TMEM108: variants seen among roughly 807,000 people sequenced by gnomAD.
TMEM108 encodes cancer/testis antigen 124.
In TMEM108, 12 loss-of-function variants were observed where a neutral mutation model predicts 35.1. The observed-to-expected ratio is 0.34, with a 90% confidence interval of 0.22 to 0.55. TMEM108 has a LOEUF of 0.55. Ranked by LOEUF, TMEM108 falls within the 20% of genes least tolerant of loss-of-function variation. The pLI is 0.89. For synonymous variants in TMEM108, 287 were observed against 308.6 expected (o/e 0.93, Z 0.73); for missense variants, 680 against 753.3 (o/e 0.90, Z 1.14).
chr3:133,219,516 C>T (rs1307836263), intron 2 of TMEM108, among the ~76,000 whole-genome samples: 1 of 151,988 alleles, frequency 6.6e-6, no homozygotes, highest in Non-Finnish European at 1.5e-5. Context: ...TTTTGTTTTG[C>T]ATCCTTCAAG....
intron 2 of TMEM108, among the ~76,000 whole-genome samples, chr3:133,065,113 A>G (rs930248677): frequency 1.3e-5 from 2 of 152,224 alleles, no homozygotes; most frequent in Non-Finnish European, 2.9e-5. Context: ...CATAGATGCT[A>G]AAGTCACAAT....
At chr3:133,288,470 G>A (rs141911499) in intron 3 of TMEM108, among the ~76,000 whole-genome samples, 2 of 152,134 alleles carry the variant, frequency 1.3e-5, no homozygotes, top group African/African-American at 2.4e-5. Context: ...TTCTCCATGG[G>A]GGGGTGAATA....
At chr3:133,332,073 T>C (rs1204171675) in intron 3 of TMEM108, among the ~76,000 whole-genome samples, 1 of 106,464 alleles carries the variant, frequency 9.4e-6, no homozygotes, top group East Asian at 2.4e-4. Flanking sequence ...TGCGCGTGCG[T>C]GCGCACGTGC....
intron 2 of TMEM108, among the ~76,000 whole-genome samples, chr3:133,121,596 T>C (rs1334528378): frequency 6.6e-6 from 1 of 152,206 alleles, no homozygotes; most frequent in Non-Finnish European, 1.5e-5. Context: ...CATGGAAGCA[T>C]CTTGTTTTAC....
At chr3:133,355,162 T>G (rs2072125058) in intron 3 of TMEM108, among the ~76,000 whole-genome samples, 1 of 152,262 alleles carries the variant, frequency 6.6e-6, no homozygotes, top group Non-Finnish European at 1.5e-5. Context: ...TGAATGGTTA[T>G]AAAGAAGAAA....
chr3:133,394,413 ACCT>A (rs972003339), intron 5 of TMEM108, among the ~76,000 whole-genome samples: 45 of 148,872 alleles, frequency 3.0e-4, no homozygotes, highest in Admixed American at 6.0e-4. Context: ...TCTTTTTCCC[ACCT>A]CCTCCTCCTC....
intron 2 of TMEM108, among the ~76,000 whole-genome samples, chr3:133,188,202 C>G (rs1945449066): frequency 6.6e-6 from 1 of 152,078 alleles, no homozygotes; most frequent in Non-Finnish European, 1.5e-5. Context: ...GGAAACCTTT[C>G]CCATCGAACC....
chr3:133,350,976 C>G (rs75049402), intron 3 of TMEM108, among the ~76,000 whole-genome samples: 1,897 of 152,246 alleles, frequency 0.012, 16 homozygotes, highest in South Asian at 0.024. Flanking sequence ...TATTACAAAG[C>G]CTGTTTCTTT....
At chr3:133,224,213 C>T (rs1472723564) in intron 2 of TMEM108, among the ~76,000 whole-genome samples, 2 of 152,168 alleles carry the variant, frequency 1.3e-5, no homozygotes, top group African/African-American at 4.8e-5. Context: ...ATTCTAAACG[C>T]TCCATAGATA....
intron 2 of TMEM108, among the ~76,000 whole-genome samples, chr3:133,058,592 G>T (rs1400465461): frequency 1.3e-5 from 2 of 152,230 alleles, no homozygotes; most frequent in Admixed American, 6.5e-5. Flanking sequence ...GAAGGGATGG[G>T]GTGGGAACGC....
chr3:133,205,053 T>C lies in TMEM108; in HGVS notation c.-46-24213T>C, dbSNP rs566254559. ...TTGCATTGATCCCTTTACCATTGTG[T>C]AATGCCCTTTTTTTGTCTTTTTTGA... On this transcript the variant is annotated intron_variant, in intron 2 of 5. Coordinates refer to ENST00000321871, the MANE Select transcript of TMEM108 (RefSeq NM_023943.4). 1.2e-4 allele frequency among the ~76,000 whole-genome samples: 19 copies of C among 152,308 alleles called. 1 individual carries two copies. The South Asian group carries it at 3.7e-3, about 30-fold the overall frequency.
intron 4 of TMEM108, chr3:133,386,408 A>T (rs192504211): frequency 2.7e-5 from 41 of 1,536,112 alleles, no homozygotes; most frequent in Admixed American, 7.8e-5. Context: ...TTTCATTTCC[A>T]TTTCTCATCA....
chr3:133,068,501 T>C (rs911621034), intron 2 of TMEM108, among the ~76,000 whole-genome samples: 2 of 152,096 alleles, frequency 1.3e-5, no homozygotes, highest in Admixed American at 1.3e-4. Flanking sequence ...AGAGAAATCT[T>C]ATACCACCTC....
At chr3:133,227,971 T>C (rs1175510745) in intron 2 of TMEM108, among the ~76,000 whole-genome samples, 1 of 152,154 alleles carries the variant, frequency 6.6e-6, no homozygotes, top group Non-Finnish European at 1.5e-5. Flanking sequence ...TTATATAAAA[T>C]GTCCAGAATA....
chr3:133,145,159 T>C (rs1482727549), intron 2 of TMEM108, among the ~76,000 whole-genome samples: 6 of 152,134 alleles, frequency 3.9e-5, no homozygotes, highest in Non-Finnish European at 2.9e-5. Context: ...AAAGAAGGGG[T>C]CCAGTTTTAG....
chr3:133,152,219 G>T (rs1160208673), intron 2 of TMEM108, among the ~76,000 whole-genome samples: 1 of 152,182 alleles, frequency 6.6e-6, no homozygotes, highest in African/African-American at 2.4e-5. Flanking sequence ...AATGGCATTG[G>T]TTGCTAAGGA....
chr3:133,232,627 T>C (rs1400905724), intron 3 of TMEM108, among the ~76,000 whole-genome samples: 1 of 152,220 alleles, frequency 6.6e-6, no homozygotes, highest in African/African-American at 2.4e-5. Context: ...TCATAATCAA[T>C]AGTCACTGAG....
intron 3 of TMEM108, among the ~76,000 whole-genome samples, chr3:133,324,324 A>G (rs2071303455): frequency 6.6e-6 from 1 of 152,208 alleles, no homozygotes. Context: ...ACAAGTCAGC[A>G]AGAAAAAAAC....
At chr3:133,119,774 G>GT (rs1944330475) in intron 2 of TMEM108, among the ~76,000 whole-genome samples, 4 of 152,092 alleles carry the variant, frequency 2.6e-5, no homozygotes, top group Non-Finnish European at 5.9e-5. Flanking sequence ...TTAAAAACTT[G>GT]CCCATAATTC....
Sources: allele counts gnomAD v4.1 joint callset (sites outside exome capture counted in the v4.1 genomes callset), GRCh38; gene constraint gnomAD v4.1.1; transcripts MANE v1.5; gene names NCBI Gene and HGNC (gene_info 2026-07-23, HGNC 2026-07-21).